Variants in STXBP5L observed in about 807,000 individuals in gnomAD.
The protein encoded by STXBP5L is syntaxin binding protein 5L.
A neutral mutation model predicts 144.5 loss-of-function variants in STXBP5L; 65 were observed. The observed-to-expected ratio is 0.45, with a 90% CI of 0.37 to 0.55. The LOEUF is 0.55. STXBP5L is among the 20% of genes least tolerant of loss of function. STXBP5L has a pLI of 0.00. For missense variants in STXBP5L, 1,298 were observed against 1,405.5 expected (o/e 0.92, Z 1.22); for synonymous variants, 505 against 469.6 (o/e 1.08, Z -0.97).
At chr3:121,066,998 T>C (rs2041580121) in intron 5 of STXBP5L, among the ~76,000 whole-genome samples, 1 of 152,126 alleles carries the variant, frequency 6.6e-6, no homozygotes, top group South Asian at 2.1e-4. Context: ...TTATTAGCCT[T>C]AATGGTAGGG....
intron 5 of STXBP5L, among the ~76,000 whole-genome samples, chr3:121,095,207 G>T (rs997894919): frequency 1.3e-5 from 2 of 152,010 alleles, no homozygotes; most frequent in Non-Finnish European, 2.9e-5. Context: ...TCTCTCTCTG[G>T]CTGCCTTAAC....
At position 121,106,657 on chromosome 3, in the gene STXBP5L, G is replaced by C. The variant is rs902393634; in HGVS notation, c.471-8268G>C. On this transcript the variant is annotated intron_variant, in intron 5 of 26. Transcript: ENST00000471454. The stretch of plus-strand genomic sequence containing the variant: ...CCAGACTATCATTGATGGGCATTTG[G>C]GTTGATTCCATGTCTTTGGTATAAT... Among the ~76,000 whole-genome samples the C allele has an allele frequency of 1.4e-4, 22 of 152,164 alleles. 1 individual carries two copies. The highest frequency in any genetic ancestry group is 6.2e-4 in the South Asian group (3 of 4,808).
intron 19 of STXBP5L, among the ~76,000 whole-genome samples, chr3:121,314,008 G>A (rs2043675229): frequency 6.6e-6 from 1 of 151,966 alleles, no homozygotes; most frequent in Middle Eastern, 3.4e-3. Context: ...GGGCGGCCAG[G>A]CAGAGACGCT....
At chr3:121,066,071 C>A (rs2041528884) in intron 5 of STXBP5L, among the ~76,000 whole-genome samples, 1 of 152,110 alleles carries the variant, frequency 6.6e-6, no homozygotes, top group Non-Finnish European at 1.5e-5. Flanking sequence ...CAGCCCATGA[C>A]CTTTGTCATA....
In STXBP5L at chr3:121,381,289, A is replaced by G; in HGVS notation, c.2348-4A>G. The G allele has an allele frequency of 1.3e-6, 2 of 1,581,532 alleles. No homozygotes were observed. The highest frequency in any genetic ancestry group is 1.7e-6 in the Non-Finnish European group (2 of 1,169,750). ...GTGTGGTTTTTTTTTATTTATTTCC[A>G]TAGAAAACCGAGAAAATTCCTATAA... On this transcript the variant is annotated splice_region_variant and splice_polypyrimidine_tract_variant and intron_variant, in intron 21 of 26. Transcript: ENST00000471454.
chr3:121,051,283 T>G (rs988731073), intron 5 of STXBP5L, among the ~76,000 whole-genome samples: 2 of 151,766 alleles, frequency 1.3e-5, no homozygotes, highest in African/African-American at 4.8e-5. Context: ...AGAATATACA[T>G]TTTTTTTCAG....
chr3:121,355,616 T>C (rs1331031824), intron 20 of STXBP5L, among the ~76,000 whole-genome samples: 1 of 152,198 alleles, frequency 6.6e-6, no homozygotes, highest in South Asian at 2.1e-4. Flanking sequence ...TTAGCTTCCT[T>C]GTGATGGGTT....
chr3:121,301,338 T>C (rs1351841716), intron 19 of STXBP5L, among the ~76,000 whole-genome samples: 1 of 152,188 alleles, frequency 6.6e-6, no homozygotes, highest in Admixed American at 6.5e-5. Context: ...TCGATTTGGC[T>C]CTCTGTTTGT....
intron 7 of STXBP5L, among the ~76,000 whole-genome samples, chr3:121,133,062 G>T (rs572162521): frequency 6.6e-6 from 1 of 152,256 alleles, no homozygotes; most frequent in African/African-American, 2.4e-5. Context: ...TCAAGGACCA[G>T]AAGGCTTATT....
At chr3:121,004,346 C>T (rs1199360895) in intron 3 of STXBP5L, among the ~76,000 whole-genome samples, 7 of 151,996 alleles carry the variant, frequency 4.6e-5, no homozygotes, top group East Asian at 3.8e-4. Flanking sequence ...ATTTGGCTCT[C>T]TGTTTGTCTG....
At chr3:120,957,721 A>G (rs998312595) in intron 3 of STXBP5L, among the ~76,000 whole-genome samples, 1 of 152,316 alleles carries the variant, frequency 6.6e-6, no homozygotes, top group African/African-American at 2.4e-5. Flanking sequence ...GAGAACAAAG[A>G]TACAACATAC....
At chr3:121,156,811 G>A (rs1265886622) in intron 8 of STXBP5L, among the ~76,000 whole-genome samples, 1 of 151,914 alleles carries the variant, frequency 6.6e-6, no homozygotes, top group African/African-American at 2.4e-5. Context: ...CATTCTATTA[G>A]TAATCTAGGG....
chr3:121,058,067 G>A (rs1009178003), intron 5 of STXBP5L, among the ~76,000 whole-genome samples: 3 of 152,092 alleles, frequency 2.0e-5, no homozygotes, highest in African/African-American at 4.8e-5. Flanking sequence ...ATGGTGGTTT[G>A]CTGCACTCAT....
rs374902652 is a variant in STXBP5L at position 121,077,247 on chromosome 3, C to T, written c.470+31712C>T. 2.6e-3 allele frequency among the ~76,000 whole-genome samples: 401 copies of T among 152,294 alleles called. 2 individuals carry two copies. The highest frequency in any genetic ancestry group is 8.4e-3 in the African/African-American group (349 of 41,566). ...CTGTCTCCACTCCCGGATGGGTCCC[C>T]AGAAATGTTACGGGGCAATCAAAGA... On this transcript the variant is annotated intron_variant, in intron 5 of 26. Coordinates refer to ENST00000471454, the MANE Select transcript of STXBP5L (RefSeq NM_001308330.2).
At chr3:121,125,905 A>G (rs1292998689) in intron 7 of STXBP5L, among the ~76,000 whole-genome samples, 4 of 152,170 alleles carry the variant, frequency 2.6e-5, no homozygotes, top group Admixed American at 1.3e-4. Flanking sequence ...GAGACAAGTA[A>G]TAAATTCTTC....
chr3:121,012,809 A>C (rs905786296), intron 3 of STXBP5L, among the ~76,000 whole-genome samples: 48 of 151,778 alleles, frequency 3.2e-4, no homozygotes, highest in African/African-American at 1.1e-3. Flanking sequence ...AAAGTACCTG[A>C]TAGGTAGTTT....
chr3:121,028,087 G>A lies in STXBP5L; in HGVS notation c.288-13613G>A, dbSNP rs148049544. Among the ~76,000 whole-genome samples the A allele has an allele frequency of 3.0e-3, 461 of 151,986 alleles. 3 individuals are homozygous for A. Among genetic ancestry groups the A allele is most frequent in the African/African-American group, 0.01 (430 of 41,492 alleles). The stretch of plus-strand genomic sequence containing the variant: ...GAAATCACATACGCAATATACATTT[G>A]TTAAATAAATTAATTAATACAAGTA... On this transcript the variant is annotated intron_variant, in intron 3 of 26. Coordinates refer to ENST00000471454, the MANE Select transcript of STXBP5L (RefSeq NM_001308330.2).
chr3:121,103,915 C>A (rs2043558124), intron 5 of STXBP5L, among the ~76,000 whole-genome samples: 2 of 152,128 alleles, frequency 1.3e-5, no homozygotes, highest in South Asian at 4.1e-4. Context: ...GTATTTACTG[C>A]AGACAGGGTA....
intron 9 of STXBP5L, among the ~76,000 whole-genome samples, chr3:121,190,533 A>G (rs1002551466): frequency 2.0e-5 from 3 of 152,144 alleles, no homozygotes; most frequent in East Asian, 1.9e-4. Context: ...CAAAACCGCC[A>G]TCGTCATCAT....
Sources: gnomAD v4.1 joint callset for allele counts (sites outside exome capture counted in the v4.1 genomes callset) on GRCh38, gnomAD v4.1.1 for gene constraint, MANE v1.5 for transcripts, NCBI Gene and HGNC (gene_info 2026-07-23, HGNC 2026-07-21) for gene names.